Variants in MEI4 observed in about 807,000 individuals in gnomAD.
MEI4 encodes meiotic double-stranded break formation protein 4.
MEI4 carries 27 observed loss-of-function variants against 31.4 expected under a neutral mutation model. That is an observed-to-expected ratio of 0.86 (90% CI 0.63 to 1.19). The LOEUF (loss-of-function observed/expected upper bound fraction) is 1.19. Among genes scored for constraint, MEI4 ranks in the 50% most tolerant of loss-of-function variants. MEI4 has a pLI of 0.00. For synonymous variants in MEI4, 122 were observed against 145.4 expected (o/e 0.84, Z 1.16); for missense variants, 329 against 398.9 (o/e 0.82, Z 1.49).
At chr6:77,743,801 C>T (rs571746483) in intron 2 of MEI4, among the ~76,000 whole-genome samples, 3 of 152,272 alleles carry the variant, frequency 2.0e-5, no homozygotes, top group East Asian at 3.9e-4. Context: ...CAGCAGCATT[C>T]GTGGTTCACA....
At chr6:77,694,086 C>CT (rs1446491047) in intron 2 of MEI4, among the ~76,000 whole-genome samples, 2 of 151,712 alleles carry the variant, frequency 1.3e-5, no homozygotes, top group African/African-American at 2.4e-5. Flanking sequence ...CTTTTTCTTT[C>CT]TTTCTTTTTT....
chr6:77,794,310 T>C (rs1769019120), intron 3 of MEI4, among the ~76,000 whole-genome samples: 1 of 152,156 alleles, frequency 6.6e-6, no homozygotes, highest in Non-Finnish European at 1.5e-5. Context: ...AAGCCTGTAA[T>C]CCCAGCACTT....
At chr6:77,918,958 A>C (rs1415480387) in intron 4 of MEI4, among the ~76,000 whole-genome samples, 1 of 152,026 alleles carries the variant, frequency 6.6e-6, no homozygotes. Flanking sequence ...TACCTAATTT[A>C]TTGAGAGTTT....
At chr6:77,825,750 T>G (rs969928478) in intron 3 of MEI4, among the ~76,000 whole-genome samples, 61 of 152,332 alleles carry the variant, frequency 4.0e-4, no homozygotes, top group African/African-American at 1.4e-3. Context: ...TTGTTACAGC[T>G]TAGAGAGTTT....
At chr6:77,888,000 CCTTT>C (rs1418746662) in intron 4 of MEI4, among the ~76,000 whole-genome samples, 1 of 152,084 alleles carries the variant, frequency 6.6e-6, no homozygotes, top group African/African-American at 2.4e-5. Flanking sequence ...TGAATTCATT[CCTTT>C]ATCATTATAT....
In MEI4 at chr6:77,765,557, C is replaced by A. The variant is rs190291060; in HGVS notation, c.768+3892C>A. 5.5e-4 allele frequency among the ~76,000 whole-genome samples: 79 copies of A among 144,748 alleles called. 1 individual carries two copies. The highest frequency in any genetic ancestry group is 1.9e-3 in the African/African-American group (73 of 38,392). 95.0% of individuals were successfully genotyped at this position (144,748 alleles called of 152,430 possible). A position where few individuals can be genotyped will look rare whatever the true frequency, so the allele number is the denominator to read the frequency against. On this transcript the variant is annotated intron_variant, in intron 3 of 4. Transcript: ENST00000684080. ...CATTAGGTATATCTCCTAATGCTAT[C>A]CCTCTCCCCTCCCCCCACCCCACAA...
Position 77,820,978 on chromosome 6 carries a change from T to TA in MEI4, c.769-7951dup, listed in dbSNP as rs1329995108. On this transcript the variant is annotated intron_variant, in intron 3 of 4. Coordinates refer to ENST00000684080, the MANE Select transcript of MEI4 (RefSeq NM_001322247.2). This position sits in a 1 kb window ranked among gnomAD's most constrained non-coding sequence, Gnocchi z 4.5. ...TTCTTATTCTATTCTCTATGTCTCTTAACCTCTACTCGTATATTGCATGCA... is the reference window on the plus strand; with the variant it reads ...TTCTTATTCTATTCTCTATGTCTCTTAAACCTCTACTCGTATATTGCATGCA... Among the ~76,000 whole-genome samples the TA allele has an allele frequency of 3.3e-5, 5 of 152,048 alleles. No individual in the cohort carries two copies. Among genetic ancestry groups the TA allele is most frequent in the Non-Finnish European group, 7.4e-5 (5 of 67,986 alleles).
rs559721415 is a variant in MEI4 at position 77,776,278 on chromosome 6, C to G, written c.768+14613C>G. ...ACTTTATGTGGATATCTTTTGAGGGCTTTTTTTCTGCTTACTATACCTAAC... is the reference window on the plus strand; with the variant it reads ...ACTTTATGTGGATATCTTTTGAGGGGTTTTTTTCTGCTTACTATACCTAAC... On this transcript the variant is annotated intron_variant, in intron 3 of 4. Coordinates refer to ENST00000684080, the MANE Select transcript of MEI4 (RefSeq NM_001322247.2). Among the ~76,000 whole-genome samples, 9 of 151,852 alleles carry G rather than the reference C, an allele frequency of 5.9e-5. No individual in the cohort carries two copies. In the East Asian group the frequency reaches 1.7e-3, roughly 29 times the overall value.
At chr6:77,769,879 G>A (rs1244829878) in intron 3 of MEI4, among the ~76,000 whole-genome samples, 2 of 151,968 alleles carry the variant, frequency 1.3e-5, no homozygotes, top group Non-Finnish European at 2.9e-5. Flanking sequence ...GGCCTTGGGT[G>A]AGACCCAGAG....
At chr6:77,875,398 A>G (rs1335605729) in intron 4 of MEI4, among the ~76,000 whole-genome samples, 4 of 152,244 alleles carry the variant, frequency 2.6e-5, no homozygotes, top group African/African-American at 7.2e-5. Context: ...GAATGACTAC[A>G]TGAATAGGTC....
At chr6:77,920,177 C>T (rs975423707) in intron 4 of MEI4, among the ~76,000 whole-genome samples, 2 of 151,508 alleles carry the variant, frequency 1.3e-5, no homozygotes, top group Admixed American at 6.6e-5. Flanking sequence ...GATACCAAAG[C>T]CTGGCAGAGA....
intron 3 of MEI4, among the ~76,000 whole-genome samples, chr6:77,787,327 T>C (rs1586108): frequency 0.55 from 83,568 of 152,016 alleles, 25,168 homozygotes; most frequent in African/African-American, 0.79. Context: ...GAAGCTGACC[T>C]TCAGTTTATT....
chr6:77,823,846 C>T (rs1367154240), intron 3 of MEI4, among the ~76,000 whole-genome samples: 7 of 151,990 alleles, frequency 4.6e-5, no homozygotes, highest in Non-Finnish European at 7.3e-5. Context: ...TACCATCTGT[C>T]CCTGGGTCTC....
intron 2 of MEI4, among the ~76,000 whole-genome samples, chr6:77,701,999 G>A (rs1262537075): frequency 6.6e-6 from 1 of 152,140 alleles, no homozygotes; most frequent in East Asian, 1.9e-4. Context: ...CTTATAGCCT[G>A]AGGACTGAAT....
chr6:77,692,562 G>C (rs1324426892), intron 2 of MEI4, among the ~76,000 whole-genome samples: 1 of 152,026 alleles, frequency 6.6e-6, no homozygotes, highest in Non-Finnish European at 1.5e-5. Flanking sequence ...AGTTGAATTA[G>C]ATCTGTGATA....
rs539284023 is a variant in MEI4, at chr6:77,777,488, A to G, written c.768+15823A>G. On this transcript the variant is annotated intron_variant, in intron 3 of 4. Transcript: ENST00000684080. ...CCTCCCACAATCAGTAAAAGACTGG[A>G]TATTTTTTCATTGGAAATAAAAAGT... Among the ~76,000 whole-genome samples, 5 of 152,300 alleles carry G rather than the reference A, an allele frequency of 3.3e-5. No homozygotes were observed. In the East Asian group the frequency reaches 7.7e-4, roughly 24 times the overall value.
intron 4 of MEI4, among the ~76,000 whole-genome samples, chr6:77,839,887 A>G (rs1199734378): frequency 6.6e-6 from 1 of 152,204 alleles, no homozygotes; most frequent in African/African-American, 2.4e-5. Flanking sequence ...CTCAATATAC[A>G]CAATTACAAA....
At chr6:77,802,360 G>A (rs1769289125) in intron 3 of MEI4, among the ~76,000 whole-genome samples, 1 of 152,074 alleles carries the variant, frequency 6.6e-6, no homozygotes, top group Non-Finnish European at 1.5e-5. Flanking sequence ...GAGCCTATGT[G>A]TGTCTCTGCA....
At chr6:77,899,759 A>G (rs1192884208) in intron 4 of MEI4, among the ~76,000 whole-genome samples, 2 of 152,044 alleles carry the variant, frequency 1.3e-5, no homozygotes, top group South Asian at 2.1e-4. Context: ...ATTCTGTTTT[A>G]TGACTGAATA....
Sources: allele counts gnomAD v4.1 joint callset (sites outside exome capture counted in the v4.1 genomes callset), GRCh38; gene constraint gnomAD v4.1.1; non-coding constraint Gnocchi (gnomAD v3.1); transcripts MANE v1.5; gene names NCBI Gene and HGNC (gene_info 2026-07-23, HGNC 2026-07-21).